Variants in NBEAL1 observed in about 807,000 individuals in gnomAD.
NBEAL1 encodes the protein neurobeachin-like protein 1.
Under a neutral mutation model 351.3 loss-of-function variants are expected in NBEAL1, and 273 were observed. That is an observed-to-expected ratio of 0.78 (90% CI 0.70 to 0.86). The LOEUF (loss-of-function observed/expected upper bound fraction) is 0.86, where lower values mean the gene tolerates loss of function less well. Among genes scored for constraint, NBEAL1 ranks in the 40% least tolerant of loss-of-function variants. The pLI, the probability that NBEAL1 is intolerant of heterozygous loss-of-function variation, is 0.00. For synonymous variants in NBEAL1, 1,050 were observed against 1,086.4 expected, an observed-to-expected ratio of 0.97 and a Z score of 0.66; for missense variants, 2,961 against 3,201.3, an observed-to-expected ratio of 0.92 and a Z score of 1.81.
rs1454521635 is a variant in NBEAL1 at position 203,094,212 on chromosome 2, G to A, written c.1099-3335G>A. Among the ~76,000 whole-genome samples the A allele has an allele frequency of 2.6e-5, 4 of 152,010 alleles. No individual in the cohort carries two copies. The East Asian group carries it at 5.8e-4, about 22-fold the overall frequency. On this transcript the variant is annotated intron_variant, in intron 10 of 55. Transcript: ENST00000683969. The stretch of plus-strand genomic sequence containing the variant: ...TTAAGGTCACAGTTTAGTCAGTAGG[G>A]AAAAATGTTTTCTGTATATTAAATA...
At chr2:203,172,092 A>G (rs973665008) in intron 40 of NBEAL1, 69 bp downstream of exon 40, 1 of 700,748 alleles carries the variant, frequency 1.4e-6, no homozygotes, top group Non-Finnish European at 2.2e-6. Context: ...AAGTATATAC[A>G]TGATACTTAT....
chr2:203,065,478 C>T (rs944331694), intron 6 of NBEAL1, among the ~76,000 whole-genome samples: 6 of 152,104 alleles, frequency 3.9e-5, no homozygotes, highest in Admixed American at 6.5e-5. Flanking sequence ...GTGGCTGGGG[C>T]GCGGTGGCTC....
At chr2:203,101,509 A>G in intron 12 of NBEAL1, among the ~76,000 whole-genome samples, 1 of 152,070 alleles carries the variant, frequency 6.6e-6, no homozygotes, top group East Asian at 1.9e-4. Flanking sequence ...TATTAATTTT[A>G]AAATAGGTTT....
chr2:203,071,877 C>G (rs1274330735), intron 7 of NBEAL1, among the ~76,000 whole-genome samples: 1 of 152,186 alleles, frequency 6.6e-6, no homozygotes, highest in Non-Finnish European at 1.5e-5. Flanking sequence ...TTCTATTAGT[C>G]ATTAAAGCTT....
intron 23 of NBEAL1, 49 bp downstream of exon 23, chr2:203,126,975 C>G: frequency 7.8e-7 from 1 of 1,290,068 alleles, no homozygotes; most frequent in South Asian, 1.3e-5. Context: ...TTTCTGTCTG[C>G]TACTTGATTG....
At chr2:203,064,699 A>G (rs1299878281) in intron 6 of NBEAL1, among the ~76,000 whole-genome samples, 2 of 152,194 alleles carry the variant, frequency 1.3e-5, no homozygotes, top group African/African-American at 2.4e-5. Context: ...GAAATGTTTC[A>G]GATTAAAAGA....
chr2:203,092,128 A>G (rs2062076993), intron 10 of NBEAL1, among the ~76,000 whole-genome samples: 1 of 152,202 alleles, frequency 6.6e-6, no homozygotes, highest in Non-Finnish European at 1.5e-5. Flanking sequence ...AACATTGTGT[A>G]AAAACAAGTT....
intron 44 of NBEAL1, among the ~76,000 whole-genome samples, chr2:203,187,088 C>T (rs2064918704): frequency 6.6e-6 from 1 of 152,076 alleles, no homozygotes; most frequent in African/African-American, 2.4e-5. Context: ...CTAGAGATCC[C>T]GGGACTGAGA....
intron 10 of NBEAL1, among the ~76,000 whole-genome samples, chr2:203,086,538 C>T (rs1049594785): frequency 6.6e-6 from 1 of 152,138 alleles, no homozygotes; most frequent in Non-Finnish European, 1.5e-5. Flanking sequence ...TCTTTAGTCT[C>T]CCCTTTCTTA....
intron 4 of NBEAL1, 169 bp downstream of exon 4, chr2:203,050,144 A>G: frequency 3.6e-6 from 2 of 557,690 alleles, no homozygotes; most frequent in Non-Finnish European, 6.2e-6. Context: ...GGGTTGAAGG[A>G]TGCAGCAAAC....
At chr2:203,216,915 T>C (rs917492183) in intron 55 of NBEAL1, among the ~76,000 whole-genome samples, 1 of 152,204 alleles carries the variant, frequency 6.6e-6, no homozygotes, top group African/African-American at 2.4e-5. Flanking sequence ...GCAATTCTCA[T>C]GCCTCAGCCT....
At chr2:203,122,364 G>A in intron 19 of NBEAL1, 21 bp downstream of exon 19, 1 of 1,397,444 alleles carries the variant, frequency 7.2e-7, no homozygotes, top group Non-Finnish European at 9.8e-7. Flanking sequence ...AGTAAATGTT[G>A]GGCAACATCT....
At chr2:203,110,421 C>T (rs186287197) in intron 15 of NBEAL1, 139 bp downstream of exon 15, 788 of 865,152 alleles carry the variant, frequency 9.1e-4, no homozygotes, top group Non-Finnish European at 1.2e-3. Flanking sequence ...GTACGTAATC[C>T]CAGCACTTTA....
intron 2 of NBEAL1, among the ~76,000 whole-genome samples, chr2:203,017,621 A>G (rs1023739021): frequency 7.9e-5 from 12 of 152,154 alleles, no homozygotes; most frequent in African/African-American, 2.9e-4. Context: ...ATGAATACCT[A>G]GTAGTTTGAA....
chr2:203,033,506 G>A (rs963075854), intron 2 of NBEAL1, among the ~76,000 whole-genome samples: 5 of 152,138 alleles, frequency 3.3e-5, no homozygotes, highest in Non-Finnish European at 5.9e-5. Flanking sequence ...ATCTGGAAGT[G>A]GGATTGAGAA....
Position 203,116,012 on chromosome 2 carries a change from G to A in NBEAL1, c.2534G>A (p.Cys845Tyr), listed in dbSNP as rs1463546512. 2 of 1,553,436 alleles carry A rather than the reference G, an allele frequency of 1.3e-6. No individual in the cohort carries two copies. The highest frequency in any genetic ancestry group is 1.7e-6 in the Non-Finnish European group (2 of 1,147,306). ...AGPNCLSPWK[C>Y]QESDMADLPG... ...CCAAATTGTTTAAGCCCTTGGAAGT[G>A]TCAAGAGTCTGACATGGCCGACCTG... Residue 845 changes from cysteine to tyrosine, a missense_variant, in exon 18 of 56, where the codon TGT becomes TAT. By Grantham distance (194) the Cys-to-Tyr change is radical. Coordinates refer to ENST00000683969, the MANE Select transcript of NBEAL1 (RefSeq NM_001378026.1).
At chr2:203,084,631 A>T in intron 10 of NBEAL1, 62 bp downstream of exon 10, 1 of 965,318 alleles carries the variant, frequency 1.0e-6, no homozygotes. Context: ...TTTTGTTTTG[A>T]TTCACATTTG....
intron 36 of NBEAL1, among the ~76,000 whole-genome samples, chr2:203,165,360 T>A (rs2064101554): frequency 6.6e-6 from 1 of 152,258 alleles, no homozygotes. Context: ...GGTAATGCTC[T>A]CTAGTTTTAG....
chr2:203,126,987 A>C, intron 23 of NBEAL1, 61 bp downstream of exon 23: 1 of 1,178,774 alleles, frequency 8.5e-7, no homozygotes, highest in Non-Finnish European at 1.2e-6. Flanking sequence ...ACTTGATTGG[A>C]ATGTGTAGAC....
Sources: gnomAD v4.1 joint callset for allele counts (sites outside exome capture counted in the v4.1 genomes callset) on GRCh38, gnomAD v4.1.1 for gene constraint, MANE v1.5 for transcripts, NCBI Gene and HGNC (gene_info 2026-07-23, HGNC 2026-07-21) for gene names.